The following OPHN1 variants were observed in gnomAD, a reference collection of about 807,000 sequenced individuals.
OPHN1 encodes oligophrenin 1.
Under a neutral mutation model 60.7 loss-of-function variants are expected in OPHN1, and 11 were observed. The ratio of observed to expected loss-of-function variants is 0.18; its 90% CI spans 0.11 to 0.30. The LOEUF (loss-of-function observed/expected upper bound fraction) is 0.30, where lower values mean the gene tolerates loss of function less well. OPHN1 is among the 10% of genes least tolerant of loss of function. The pLI is 1.00. For synonymous variants in OPHN1, 226 were observed against 222.6 expected (o/e 1.02, Z -0.14); for missense variants, 449 against 611.0 (o/e 0.73, Z 2.80).
chrX:68,059,538 C>T lies in OPHN1; in HGVS notation c.2158+4316G>A, dbSNP rs144254006. On this transcript the variant is annotated intron_variant, in intron 21 of 24. Transcript: ENST00000355520. Reference sequence around the variant, plus strand: ...CTCCAAGAAAAGTAGAGAATAAAAACCAAACAGTAGATTATTAAAGCATAA... The same window carrying T: ...CTCCAAGAAAAGTAGAGAATAAAAATCAAACAGTAGATTATTAAAGCATAA... Among the ~76,000 whole-genome samples, 1,087 of 111,893 alleles carry T rather than the reference C, an allele frequency of 9.7e-3. 10 individuals are homozygous for T. Among genetic ancestry groups the T allele is most frequent in the Non-Finnish European group, 0.016 (857 of 53,164 alleles).
In OPHN1 at chrX:68,133,467, A is replaced by G. The variant is rs1033315052; in HGVS notation, c.1277-14135T>C. The G allele has an allele frequency of 2.9e-5, 16 of 552,174 alleles. No individual in the cohort carries two copies. The African/African-American group carries it at 3.6e-4, about 13-fold the overall frequency. 45.5% of individuals were successfully genotyped at this position (552,174 alleles called of 1,213,427 possible). A position where few individuals can be genotyped will look rare whatever the true frequency, so the allele number is the denominator to read the frequency against. Reference sequence around the variant, plus strand: ...AAGCTTTGTTATGTATCTGGGTACCAGGTTTAACCTCAAGAGATGCCTGCT... The same window carrying G: ...AAGCTTTGTTATGTATCTGGGTACCGGGTTTAACCTCAAGAGATGCCTGCT... On this transcript the variant is annotated intron_variant, in intron 15 of 24. Transcript: ENST00000355520.
chrX:68,255,740 A>AACACAC (rs747223446), intron 5 of OPHN1, among the ~76,000 whole-genome samples: 2 of 101,132 alleles, frequency 2.0e-5, no homozygotes, highest in Admixed American at 1.1e-4. Flanking sequence ...CACACACACA[A>AACACAC]ACACACACAC....
chrX:68,217,133 C>G (rs755887247), intron 6 of OPHN1, among the ~76,000 whole-genome samples: 14 of 111,637 alleles, frequency 1.3e-4, no homozygotes, highest in African/African-American at 2.9e-4. Context: ...AAGGGGTCAG[C>G]GAGTTCCCTT....
chrX:68,322,584 C>T (rs1250247715), intron 2 of OPHN1, among the ~76,000 whole-genome samples: 1 of 110,889 alleles, frequency 9.0e-6, no homozygotes, highest in Non-Finnish European at 1.9e-5. Context: ...GCCAGGAGTT[C>T]GAGACTAGTC....
chrX:68,135,172 C>G (rs2077214092), intron 15 of OPHN1, among the ~76,000 whole-genome samples: 1 of 111,686 alleles, frequency 9.0e-6, no homozygotes, highest in African/African-American at 3.3e-5. Context: ...CTGGAATATT[C>G]ACGTTCGAAG....
At chrX:68,233,874 A>G (rs749028388) in intron 6 of OPHN1, among the ~76,000 whole-genome samples, 1 of 111,193 alleles carries the variant, frequency 9.0e-6, no homozygotes, top group South Asian at 3.8e-4. Context: ...AAAAAAATCT[A>G]TTTGTATAAG....
At chrX:68,217,796 C>G (rs377528718) in intron 6 of OPHN1, among the ~76,000 whole-genome samples, 29 of 105,938 alleles carry the variant, frequency 2.7e-4, no homozygotes, top group African/African-American at 8.6e-4. Context: ...CATCATCAAA[C>G]ACCAAAAGTA....
intron 6 of OPHN1, among the ~76,000 whole-genome samples, chrX:68,216,517 G>T (rs1602241514): frequency 1.8e-5 from 2 of 110,995 alleles, no homozygotes; most frequent in South Asian, 3.8e-4. Flanking sequence ...AAAAATGTTA[G>T]ACCTGAAACC....
chrX:68,382,207 C>G (rs1483748927), intron 2 of OPHN1, among the ~76,000 whole-genome samples: 1 of 110,252 alleles, frequency 9.1e-6, no homozygotes, highest in African/African-American at 3.3e-5. Flanking sequence ...ATCAGCCGGG[C>G]GTGGTGGTAC....
intron 2 of OPHN1, among the ~76,000 whole-genome samples, chrX:68,380,253 T>C (rs1004949263): frequency 4.5e-5 from 5 of 111,764 alleles, no homozygotes; most frequent in Non-Finnish European, 9.4e-5. Flanking sequence ...GTAGTTTGTA[T>C]GTCTGTGGGA....
chrX:68,088,170 A>G (rs2077002431), intron 19 of OPHN1, among the ~76,000 whole-genome samples: 1 of 111,656 alleles, frequency 9.0e-6, no homozygotes, highest in African/African-American at 3.3e-5. Context: ...TAGAACTGAG[A>G]CTAGAATCCA....
intron 2 of OPHN1, among the ~76,000 whole-genome samples, chrX:68,429,943 G>A (rs2078877634): frequency 9.0e-6 from 1 of 111,014 alleles, no homozygotes; most frequent in South Asian, 3.8e-4. Context: ...GCTAAGACAC[G>A]AGGATCACTT....
chrX:68,106,055 T>C (rs1361971355), intron 18 of OPHN1, among the ~76,000 whole-genome samples: 3 of 98,590 alleles, frequency 3.0e-5, no homozygotes, highest in Non-Finnish European at 6.0e-5. Flanking sequence ...CAAAAATGCA[T>C]GCACACACAC....
chrX:68,330,592 C>T (rs1403648214), intron 2 of OPHN1, among the ~76,000 whole-genome samples: 4 of 109,554 alleles, frequency 3.7e-5, no homozygotes, highest in East Asian at 5.7e-4. Flanking sequence ...TGAGCCCAGG[C>T]GTTCGAGCCC....
chrX:68,419,538 A>ATTT (rs201633101), intron 2 of OPHN1, among the ~76,000 whole-genome samples: 12 of 84,895 alleles, frequency 1.4e-4, no homozygotes, highest in East Asian at 3.9e-4. Context: ...CTCCTTAACA[A>ATTT]TTTTTTTTTT....
Position 68,333,035 on chromosome X carries a change from C to T in OPHN1, c.155-33939G>A, listed in dbSNP as rs187218804. Among the ~76,000 whole-genome samples, 32 of 110,668 alleles carry T rather than the reference C, an allele frequency of 2.9e-4. No homozygotes were observed. In the East Asian group the frequency reaches 8.0e-3, roughly 27 times the overall value. ...CATTCAAATTTACAGAGAAAGGAACCGAAACACTAAAACTTCAAGTTCACA... is the reference window on the plus strand; with the variant it reads ...CATTCAAATTTACAGAGAAAGGAACTGAAACACTAAAACTTCAAGTTCACA... On this transcript the variant is annotated intron_variant, in intron 2 of 24. Coordinates refer to ENST00000355520, the MANE Select transcript of OPHN1 (RefSeq NM_002547.3).
At position 68,096,929 on chromosome X, in the gene OPHN1, T is replaced by G; in HGVS notation, c.1627A>C (p.Met543Leu). ...MRAQEDTVAA[M>L]MNIKFQNIVV... ...ATGTTCTGGAATTTGATGTTCATCA[T>G]GGCGGCCACAGTGTCCTCCTGAGCT... Residue 543 changes from methionine (M) to leucine (L), a missense_variant, in exon 19 of 25, where the codon ATG (methionine) becomes CTG (leucine). Around this residue, in one of 4 missense-constraint regions of OPHN1, gnomAD observed 166 missense variants for 278.4 expected, o/e 0.60. Coordinates refer to ENST00000355520, the MANE Select transcript of OPHN1 (RefSeq NM_002547.3). The G allele has an allele frequency of 1.7e-6, 2 of 1,211,076 alleles. No homozygotes were observed. The highest frequency in any genetic ancestry group is 2.2e-6 in the Non-Finnish European group (2 of 895,070).
intron 2 of OPHN1, among the ~76,000 whole-genome samples, chrX:68,409,773 G>T (rs1194637743): frequency 2.7e-5 from 3 of 111,931 alleles, no homozygotes; most frequent in Admixed American, 1.9e-4. Flanking sequence ...AATTCCTCTT[G>T]AAGTTTCAAA....
intron 5 of OPHN1, among the ~76,000 whole-genome samples, chrX:68,263,115 T>G (rs1378210679): frequency 8.9e-6 from 1 of 111,939 alleles, no homozygotes; most frequent in Non-Finnish European, 1.9e-5. Flanking sequence ...CTTGAAGAAG[T>G]TAATCCTGCT....
Sources: allele counts gnomAD v4.1 joint callset (sites outside exome capture counted in the v4.1 genomes callset), GRCh38; gene constraint gnomAD v4.1.1; regional missense constraint gnomAD v4.1.1; transcripts MANE v1.5; gene names NCBI Gene and HGNC (gene_info 2026-07-23, HGNC 2026-07-21).